Variants in PDE4D observed in about 807,000 individuals in gnomAD.
The protein encoded by PDE4D is 3',5'-cyclic-AMP phosphodiesterase 4D.
PDE4D carries 24 observed loss-of-function variants against 87.4 expected under a neutral mutation model. The observed-to-expected ratio is 0.27, with a 90% CI of 0.20 to 0.39. The LOEUF is 0.39. PDE4D is among the 10% of genes least tolerant of loss of function. PDE4D has a pLI of 1.00. For missense variants in PDE4D, 714 were observed against 1,041.0 expected (o/e 0.69, Z 4.32); for synonymous variants, 384 against 383.2 (o/e 1.00, Z -0.02).
At chr5:59,540,984 A>T (rs764150896) in intron 1 of PDE4D, among the ~76,000 whole-genome samples, 37 of 152,156 alleles carry the variant, frequency 2.4e-4, no homozygotes, top group Admixed American at 6.5e-4. Context: ...AGAAGACCTT[A>T]GGAAGGTCTA....
chr5:59,558,950 T>G (rs553348968), intron 1 of PDE4D, among the ~76,000 whole-genome samples: 4 of 152,094 alleles, frequency 2.6e-5, no homozygotes, highest in African/African-American at 4.8e-5. Flanking sequence ...AGGTTGGGGG[T>G]AGTGAAGCTC....
At chr5:60,303,472 A>C (rs1243682731) in intron 1 of PDE4D, among the ~76,000 whole-genome samples, 2 of 151,662 alleles carry the variant, frequency 1.3e-5, no homozygotes, top group African/African-American at 4.9e-5. Context: ...CCACGCCCAG[A>C]TAATTTTTGT....
At chr5:59,572,621 C>T (rs1822055949) in intron 1 of PDE4D, among the ~76,000 whole-genome samples, 1 of 152,162 alleles carries the variant, frequency 6.6e-6, no homozygotes, top group Non-Finnish European at 1.5e-5. Flanking sequence ...GCTGGGACTA[C>T]AGGCGCCCGC....
At chr5:60,364,360 G>T (rs1024640639) in intron 1 of PDE4D, among the ~76,000 whole-genome samples, 1 of 152,130 alleles carries the variant, frequency 6.6e-6, no homozygotes, top group Non-Finnish European at 1.5e-5. Context: ...GAAGATAGGG[G>T]AAATTACATG....
chr5:59,944,699 G>C (rs1405754333), intron 3 of PDE4D, among the ~76,000 whole-genome samples: 1 of 152,172 alleles, frequency 6.6e-6, no homozygotes, highest in East Asian at 1.9e-4. Context: ...AAACAACCCA[G>C]TGCAATTCAC....
chr5:59,745,568 C>T (rs574682574), intron 1 of PDE4D, among the ~76,000 whole-genome samples: 1 of 152,216 alleles, frequency 6.6e-6, no homozygotes, highest in South Asian at 2.1e-4. Context: ...AGCAAATGCA[C>T]AAAAGCAAGC....
chr5:59,503,178 C>T (rs937900693), intron 1 of PDE4D, among the ~76,000 whole-genome samples: 4 of 152,036 alleles, frequency 2.6e-5, no homozygotes, highest in Non-Finnish European at 4.4e-5. Context: ...TGCTCTGGAG[C>T]TCTTAGGTAA....
At chr5:59,492,660 T>C (rs1031749298) in intron 1 of PDE4D, among the ~76,000 whole-genome samples, 1 of 152,142 alleles carries the variant, frequency 6.6e-6, no homozygotes, top group Non-Finnish European at 1.5e-5. Context: ...GTGGAAATAA[T>C]ACCAGGGAAG....
intron 5 of PDE4D, among the ~76,000 whole-genome samples, chr5:59,094,309 G>T (rs1389643527): frequency 1.3e-5 from 2 of 150,614 alleles, no homozygotes; most frequent in East Asian, 1.9e-4. Flanking sequence ...TAATAGTAAG[G>T]TTGGAAAATA....
chr5:59,356,399 T>C (rs1781375765), intron 1 of PDE4D, among the ~76,000 whole-genome samples: 1 of 152,194 alleles, frequency 6.6e-6, no homozygotes, highest in Non-Finnish European at 1.5e-5. Context: ...TGAAGAATAA[T>C]GTAGTGTTTT....
chr5:58,984,384 G>C (rs1291893107), intron 11 of PDE4D, among the ~76,000 whole-genome samples: 1 of 152,102 alleles, frequency 6.6e-6, no homozygotes, highest in Non-Finnish European at 1.5e-5. Context: ...GTCTTGTCTT[G>C]TCCACCCATG....
chr5:60,463,388 ACAC>A (rs1185879554), intron 1 of PDE4D, among the ~76,000 whole-genome samples: 1 of 152,126 alleles, frequency 6.6e-6, no homozygotes, highest in Non-Finnish European at 1.5e-5. Flanking sequence ...ACACACACAC[ACAC>A]AATTTCTACA....
chr5:60,038,279 T>C (rs568751054), intron 2 of PDE4D, among the ~76,000 whole-genome samples: 13 of 152,316 alleles, frequency 8.5e-5, no homozygotes, highest in South Asian at 6.2e-4. Context: ...AAGTCTGTAA[T>C]CCATCTTGAA....
At chr5:59,769,927 C>T (rs1763275110) in intron 1 of PDE4D, among the ~76,000 whole-genome samples, 1 of 151,988 alleles carries the variant, frequency 6.6e-6, no homozygotes, top group Non-Finnish European at 1.5e-5. Flanking sequence ...TGTTTCCCTG[C>T]CCCCCTGGTT....
intron 1 of PDE4D, among the ~76,000 whole-genome samples, chr5:59,318,834 G>A (rs1425951309): frequency 6.6e-6 from 1 of 151,932 alleles, no homozygotes; most frequent in Non-Finnish European, 1.5e-5. Flanking sequence ...GCACAAGATG[G>A]CTGCTATGTT....
intron 1 of PDE4D, among the ~76,000 whole-genome samples, chr5:60,321,129 C>T (rs761549129): frequency 1.3e-5 from 2 of 152,158 alleles, no homozygotes; most frequent in East Asian, 1.9e-4. Flanking sequence ...CTAGAGGCAT[C>T]GTATTATCTG....
intron 1 of PDE4D, among the ~76,000 whole-genome samples, chr5:59,225,008 T>C (rs1227844901): frequency 1.3e-5 from 2 of 152,204 alleles, no homozygotes; most frequent in Non-Finnish European, 2.9e-5. Flanking sequence ...ACTTGAAGTT[T>C]ATACATTACT....
At chr5:59,901,243 G>A (rs1561838977) in intron 3 of PDE4D, among the ~76,000 whole-genome samples, 1 of 152,114 alleles carries the variant, frequency 6.6e-6, no homozygotes, top group Non-Finnish European at 1.5e-5. Flanking sequence ...TTAAACATAG[G>A]CCTTTTGAAA....
intron 1 of PDE4D, among the ~76,000 whole-genome samples, chr5:60,358,456 A>C (rs577340570): frequency 1.1e-4 from 16 of 152,254 alleles, no homozygotes; most frequent in African/African-American, 3.9e-4. Context: ...GTTTTGGCTG[A>C]CTGTATCAGA....
Sources: gnomAD v4.1 joint callset for allele counts (sites outside exome capture counted in the v4.1 genomes callset) on GRCh38, gnomAD v4.1.1 for gene constraint, MANE v1.5 for transcripts, NCBI Gene and HGNC (gene_info 2026-07-23, HGNC 2026-07-21) for gene names.